Variants in SAMMSON observed in about 807,000 individuals in gnomAD.
The protein encoded by SAMMSON is long intergenic non-protein coding RNA 1212.
In SAMMSON at chr3:70,266,149, T is replaced by A. The variant is rs145491953; in HGVS notation, n.674+16479T>A. Among the ~76,000 whole-genome samples the A allele has an allele frequency of 4.8e-3, 725 of 152,344 alleles. 5 individuals carry two copies. Among genetic ancestry groups the A allele is most frequent in the African/African-American group, 0.017 (692 of 41,574 alleles). ...TATCTTTTTCTTCAGTTTAGTAGCC[T>A]TAAGCAGAATGTTGCTTTATTAAAA... On this transcript the variant is annotated intron_variant and non_coding_transcript_variant, in intron 6 of 9. Transcript: ENST00000642114.
At chr3:70,163,341 GAA>G (rs2067623707) in intron 4 of SAMMSON, among the ~76,000 whole-genome samples, 1 of 122,238 alleles carries the variant, frequency 8.2e-6, no homozygotes, top group African/African-American at 3.1e-5. Flanking sequence ...CATCTATATA[GAA>G]TATATATATA....
chr3:70,168,385 G>A (rs563537837), intron 4 of SAMMSON, among the ~76,000 whole-genome samples: 2 of 152,042 alleles, frequency 1.3e-5, no homozygotes, highest in Middle Eastern at 3.4e-3. Flanking sequence ...CAGTAGTGGC[G>A]CCTTTTAAGG....
In SAMMSON at chr3:70,160,067, C is replaced by T. The variant is rs147429395; in HGVS notation, n.507+88502C>T. ...AATTCTTTGTTAGACACATATTTTG[C>T]AAATATTTTATCCCAATTTATTGCT... On this transcript the variant is annotated intron_variant and non_coding_transcript_variant, in intron 4 of 9. Coordinates refer to ENST00000642114, the Ensembl canonical transcript of SAMMSON. Among the ~76,000 whole-genome samples, 687 of 152,064 alleles carry T rather than the reference C, an allele frequency of 4.5e-3. 1 individual carries two copies. Among genetic ancestry groups the T allele is most frequent in the African/African-American group, 0.015 (643 of 41,528 alleles).
At chr3:70,319,382 A>T (rs912257831) in intron 7 of SAMMSON, among the ~76,000 whole-genome samples, 3 of 152,092 alleles carry the variant, frequency 2.0e-5, no homozygotes, top group African/African-American at 7.2e-5. Context: ...TTAGGCTTGA[A>T]AATAGCTTCT....
intron 6 of SAMMSON, among the ~76,000 whole-genome samples, chr3:70,276,775 G>A (rs1702031069): frequency 6.6e-6 from 1 of 152,144 alleles, no homozygotes; most frequent in African/African-American, 2.4e-5. Context: ...GAATTGAATA[G>A]TTGTGACAAA....
intron 3 of SAMMSON, chr3:70,015,175 G>T (rs1559772568): frequency 6.6e-6 from 1 of 152,420 alleles, no homozygotes; most frequent in East Asian, 1.9e-4. Flanking sequence ...CAGCTACTAG[G>T]GAGGCTGAGG....
intron 4 of SAMMSON, among the ~76,000 whole-genome samples, chr3:70,211,995 T>A (rs1405176365): frequency 6.6e-6 from 1 of 151,946 alleles, no homozygotes; most frequent in Admixed American, 6.6e-5. Context: ...CTCCAGCTCC[T>A]TCCATGTATT....
At chr3:70,262,237 A>G (rs548927540) in intron 6 of SAMMSON, among the ~76,000 whole-genome samples, 2 of 152,328 alleles carry the variant, frequency 1.3e-5, no homozygotes, top group Non-Finnish European at 2.9e-5. Context: ...GAATAATTAT[A>G]CCAATAACGT....
chr3:70,254,650 G>A (rs1156745644), intron 6 of SAMMSON, among the ~76,000 whole-genome samples: 1 of 152,056 alleles, frequency 6.6e-6, no homozygotes, highest in African/African-American at 2.4e-5. Flanking sequence ...CTACCTAGAA[G>A]TTTACTATTT....
At chr3:70,177,032 G>A (rs540209710) in intron 4 of SAMMSON, among the ~76,000 whole-genome samples, 24 of 152,292 alleles carry the variant, frequency 1.6e-4, no homozygotes, top group Admixed American at 5.9e-4. Context: ...GCATTAAGGC[G>A]TTGGTATATA....
intron 4 of SAMMSON, among the ~76,000 whole-genome samples, chr3:70,214,445 G>A (rs2106731722): frequency 6.6e-6 from 1 of 152,072 alleles, no homozygotes; most frequent in South Asian, 2.1e-4. Context: ...AGAGAGAAAA[G>A]GCTAAAGTAT....
chr3:70,223,149 C>G (rs1009468289), intron 4 of SAMMSON, among the ~76,000 whole-genome samples: 1 of 152,156 alleles, frequency 6.6e-6, no homozygotes, highest in African/African-American at 2.4e-5. Flanking sequence ...CTATACTACT[C>G]TTTACGTCTA....
At chr3:70,164,316 A>T (rs1050028292) in intron 4 of SAMMSON, among the ~76,000 whole-genome samples, 2 of 152,012 alleles carry the variant, frequency 1.3e-5, no homozygotes, top group Non-Finnish European at 2.9e-5. Flanking sequence ...CTCTATGACA[A>T]AATATGTATA....
At chr3:70,160,784 GAGC>G (rs1463730650) in intron 4 of SAMMSON, among the ~76,000 whole-genome samples, 4 of 151,980 alleles carry the variant, frequency 2.6e-5, no homozygotes, top group African/African-American at 7.2e-5. Context: ...AGATAAATTG[GAGC>G]ATAATTACCA....
rs1298381507 is a variant in SAMMSON, at chr3:70,267,574, T to G, written n.674+17904T>G. 1.6e-3 allele frequency among the ~76,000 whole-genome samples: 169 copies of G among 102,466 alleles called. 1 individual carries two copies. The Middle Eastern group carries it at 0.024, about 14-fold the overall frequency. 67.2% of individuals were successfully genotyped at this position (102,466 alleles called of 152,430 possible). ...CCCGCCACCATGCCCGGCTAATTTT[T>G]TGTATTTTTTTTTTTTTTTTTTTAG... On this transcript the variant is annotated intron_variant and non_coding_transcript_variant, in intron 6 of 9. Coordinates refer to ENST00000642114, the Ensembl canonical transcript of SAMMSON.
chr3:70,398,348 C>A (rs1005964121), intron 2 of SAMMSON, among the ~76,000 whole-genome samples: 1 of 152,098 alleles, frequency 6.6e-6, no homozygotes, highest in African/African-American at 2.4e-5. Context: ...AAAATGGATT[C>A]AAAATAATTT....
intron 4 of SAMMSON, among the ~76,000 whole-genome samples, chr3:70,132,158 A>G (rs771381140): frequency 1.8e-4 from 28 of 152,100 alleles, no homozygotes; most frequent in Non-Finnish European, 3.7e-4. Flanking sequence ...CTTTTGAAAG[A>G]CTGGGTCCTC....
chr3:70,284,825 G>C (rs1702126107), intron 6 of SAMMSON, among the ~76,000 whole-genome samples: 1 of 152,120 alleles, frequency 6.6e-6, no homozygotes, highest in East Asian at 1.9e-4. Flanking sequence ...TCATGAAATA[G>C]TCTGTATAAC....
intron 9 of SAMMSON, among the ~76,000 whole-genome samples, chr3:70,378,348 C>A (rs1254530716): frequency 6.6e-6 from 1 of 151,748 alleles, no homozygotes; most frequent in African/African-American, 2.4e-5. Context: ...GTGGGAAAAG[C>A]TAGCTGTAGA....
Sources: allele counts gnomAD v4.1 joint callset (sites outside exome capture counted in the v4.1 genomes callset), GRCh38; gene constraint gnomAD v4.1.1; transcripts MANE v1.5; gene names NCBI Gene and HGNC (gene_info 2026-07-23, HGNC 2026-07-21).